Variants in WIPF2 observed in about 807,000 individuals in gnomAD.
WIPF2 encodes the protein WAS/WASL interacting protein family member 2, also known as WAS/WASL-interacting protein family member 2.
WIPF2 carries 23 observed loss-of-function variants against 38.8 expected under a neutral mutation model. That is an observed-to-expected ratio of 0.59 (90% confidence interval 0.43 to 0.84). WIPF2 has a LOEUF of 0.84. WIPF2 is among the 40% of genes least tolerant of loss of function. The pLI, the probability that WIPF2 is intolerant of heterozygous loss-of-function variation, is 0.00. For synonymous variants in WIPF2, 210 were observed against 223.2 expected (o/e 0.94, Z 0.53); for missense variants, 574 against 580.5 (o/e 0.99, Z 0.11).
intron 4 of WIPF2, among the ~76,000 whole-genome samples, chr17:40,264,225 C>G (rs984543270): frequency 7.1e-6 from 1 of 140,362 alleles, no homozygotes; most frequent in Non-Finnish European, 1.5e-5. Flanking sequence ...CCCAGCTACT[C>G]GGGAGGCTGA....
chr17:40,277,723 C>CTTTTTTTTTTTTTTTTTTT (rs528401568), intron 7 of WIPF2, among the ~76,000 whole-genome samples: 1,343 of 97,520 alleles, frequency 0.014, 115 homozygotes, highest in Non-Finnish European at 0.017. Context: ...CTTCGTTGTC[C>CTTTTTTTTTTTTTTTTTTT]TTTTTTTTTT....
intron 4 of WIPF2, 105 bp from the exon 5 acceptor site, chr17:40,264,385 C>T: frequency 1.4e-6 from 1 of 730,448 alleles, no homozygotes; most frequent in Non-Finnish European, 2.3e-6. Flanking sequence ...TATTCAATTC[C>T]TTTCCCTGCT....
intron 7 of WIPF2, among the ~76,000 whole-genome samples, chr17:40,277,739 T>TTTTTTTTTTTTTTTTTTTTTC (rs1214706671): frequency 6.8e-6 from 1 of 147,432 alleles, no homozygotes; most frequent in African/African-American, 2.6e-5. Flanking sequence ...TTTTTTTTTT[T>TTTTTTTTTTTTTTTTTTTTTC]TTTGAGATAG....
Position 40,280,524 on chromosome 17 carries a change from GA to G in WIPF2, c.*2300del, listed in dbSNP as rs2032523490. On this transcript the variant is annotated 3_prime_UTR_variant, in exon 8 of 8. Transcript: ENST00000323571. The stretch of plus-strand genomic sequence containing the variant: ...GGGCATGCTAGTGGAGGGAAAAGGA[GA>G]GAGTACAAGAGTTGATACTGCATCA... The G allele has an allele frequency of 6.5e-6, 1 of 152,776 alleles. No homozygotes were observed. Among genetic ancestry groups the G allele is most frequent in the South Asian group, 2.1e-4 (1 of 4,840 alleles). 9.5% of individuals were successfully genotyped at this position (152,776 alleles called of 1,614,324 possible).
intron 4 of WIPF2, 123 bp from the exon 5 acceptor site, chr17:40,264,366 AC>A: frequency 1.3e-6 from 1 of 774,418 alleles, no homozygotes; most frequent in Non-Finnish European, 2.1e-6. Context: ...AAAACAAAAA[AC>A]CCAGAATTAT....
intron 1 of WIPF2, among the ~76,000 whole-genome samples, chr17:40,253,033 T>C (rs1232839465): frequency 6.6e-6 from 1 of 151,624 alleles, no homozygotes; most frequent in Non-Finnish European, 1.5e-5. Flanking sequence ...CCCAGAGTGC[T>C]AAGATTACAG....
chr17:40,265,138 G>A lies in WIPF2; in HGVS notation c.962G>A (p.Arg321Gln), dbSNP rs372959915. The A allele has an allele frequency of 1.8e-5, 29 of 1,605,452 alleles. No homozygotes were observed. The highest frequency in any genetic ancestry group is 2.4e-5 in the Non-Finnish European group (28 of 1,175,390). The change falls in exon 5 of 8, where the codon CGG becomes CAG. Residue 321 changes from arginine to glutamine, a missense_variant. By Grantham distance (43) the Arg-to-Gln change is conservative (BLOSUM62 1). Coordinates refer to ENST00000323571, the MANE Select transcript of WIPF2 (RefSeq NM_133264.5). The stretch of plus-strand genomic sequence containing the variant: ...CCCCCAGCCCGAGACCCTCCCAGTC[G>A]GGGAGCAGGTAAGTGCTTGGAAGCA... ...PPPPARDPPS[R>Q]GAAPPPPPPV...
intron 1 of WIPF2, among the ~76,000 whole-genome samples, chr17:40,232,179 A>ATTTTTTTTTTTTTTT (rs752876006): frequency 2.9e-4 from 22 of 76,050 alleles, no homozygotes; most frequent in East Asian, 4.7e-4. Flanking sequence ...TGCCTGGCTA[A>ATTTTTTTTTTTTTTT]TTTTTTTTTT....
intron 1 of WIPF2, among the ~76,000 whole-genome samples, chr17:40,222,882 G>A (rs936872099): frequency 2.7e-5 from 4 of 148,910 alleles, no homozygotes; most frequent in Non-Finnish European, 5.9e-5. Flanking sequence ...TGTTGGTCAG[G>A]CTGGTCTCGA....
chr17:40,264,574 G>A lies in WIPF2; in HGVS notation c.398G>A (p.Arg133His), dbSNP rs775803870. Reference protein sequence around the residue: ...PRPPVSAASGRPQDDTDSSRA... With the variant: ...PRPPVSAASGHPQDDTDSSRA... ...CCTCCAGTATCTGCCGCCAGCGGGC[G>A]TCCTCAGGATGATACAGACAGCAGC... Residue 133 changes from arginine (R) to histidine (H), a missense_variant, in exon 5 of 8, where the codon CGT (arginine) becomes CAT (histidine). Transcript: ENST00000323571. 1.2e-6 allele frequency: 2 copies of A among 1,614,088 alleles called. No individual in the cohort carries two copies. Among genetic ancestry groups the A allele is most frequent in the Non-Finnish European group, 1.7e-6 (2 of 1,180,016 alleles).
At chr17:40,258,716 A>G (rs1411208370) in intron 2 of WIPF2, among the ~76,000 whole-genome samples, 1 of 152,016 alleles carries the variant, frequency 6.6e-6, no homozygotes, top group African/African-American at 2.4e-5. Flanking sequence ...TTAGCCAGAA[A>G]GAGAGGAGGG....
intron 3 of WIPF2, among the ~76,000 whole-genome samples, chr17:40,261,297 T>C (rs2031893654): frequency 1.4e-5 from 2 of 142,848 alleles, no homozygotes; most frequent in South Asian, 2.2e-4. Flanking sequence ...TGAACATTTC[T>C]TTTTTTTTTT....
intron 5 of WIPF2, among the ~76,000 whole-genome samples, chr17:40,271,968 A>G (rs2032262600): frequency 6.6e-6 from 1 of 151,632 alleles, no homozygotes; most frequent in Non-Finnish European, 1.5e-5. Flanking sequence ...TTAAGAGTGA[A>G]TTTGATTTTT....
intron 1 of WIPF2, among the ~76,000 whole-genome samples, chr17:40,240,410 C>T (rs886892688): frequency 1.3e-5 from 2 of 152,078 alleles, no homozygotes; most frequent in African/African-American, 4.8e-5. Context: ...TACACTATCA[C>T]CCCATCTTCC....
intron 1 of WIPF2, among the ~76,000 whole-genome samples, chr17:40,221,555 A>G (rs1032397880): frequency 1.3e-5 from 2 of 151,788 alleles, no homozygotes; most frequent in African/African-American, 4.8e-5. Context: ...GCAACGTAGC[A>G]ATACCCCATC....
At chr17:40,250,722 G>C (rs1445233008) in intron 1 of WIPF2, among the ~76,000 whole-genome samples, 1 of 151,924 alleles carries the variant, frequency 6.6e-6, no homozygotes, top group Non-Finnish European at 1.5e-5. Flanking sequence ...AAATTCTGTA[G>C]AGAACCTTCT....
chr17:40,221,684 G>A (rs8072648), intron 1 of WIPF2, among the ~76,000 whole-genome samples: 14,518 of 14,614 alleles, frequency 0.99, 7,211 homozygotes, highest in Middle Eastern at 1. Flanking sequence ...GGATTCAAGC[G>A]CTTCTCCTGC....
At position 40,219,413 on chromosome 17, in the gene WIPF2, G is replaced by A; in HGVS notation, c.-149G>A. ...GCGGCGGCGGCGACGGCGAGAAAGA[G>A]CTTGCCGGGGGGCGAGCAGGACAGG... On this transcript the variant is annotated 5_prime_UTR_variant, in exon 1 of 8. Coordinates refer to ENST00000323571, the MANE Select transcript of WIPF2 (RefSeq NM_133264.5). The A allele has an allele frequency of 2.5e-6, 1 of 394,696 alleles. No individual in the cohort carries two copies. Among genetic ancestry groups the A allele is most frequent in the Admixed American group, 4.1e-5 (1 of 24,350 alleles). The allele number at this position is 394,696 out of a possible 1,614,324, so 24.4% of individuals were successfully genotyped here.
At chr17:40,265,182 T>G (rs1238541546) in intron 5 of WIPF2, 36 bp downstream of exon 5, 4 of 1,545,750 alleles carry the variant, frequency 2.6e-6, no homozygotes, top group Middle Eastern at 1.7e-4. Flanking sequence ...CCTATCATGC[T>G]GTGAGTTGAT....
Sources: allele counts gnomAD v4.1 joint callset (sites outside exome capture counted in the v4.1 genomes callset), GRCh38; gene constraint gnomAD v4.1.1; transcripts MANE v1.5; gene names NCBI Gene and HGNC (gene_info 2026-07-23, HGNC 2026-07-21).